Variants in OPCML observed in about 807,000 individuals in gnomAD.
The protein encoded by OPCML is opioid-binding protein/cell adhesion molecule.
In OPCML, 13 loss-of-function variants were observed where a neutral mutation model predicts 37.8. That is an observed-to-expected ratio of 0.34 (90% CI 0.22 to 0.55). OPCML has a LOEUF of 0.55. OPCML is among the 20% of genes least tolerant of loss of function. OPCML has a pLI of 0.91. For synonymous variants in OPCML, 176 were observed against 168.8 expected (o/e 1.04, Z -0.33); for missense variants, 341 against 435.6 (o/e 0.78, Z 1.93).
At chr11:132,786,604 A>G (rs982280044) in intron 2 of OPCML, among the ~76,000 whole-genome samples, 10 of 152,180 alleles carry the variant, frequency 6.6e-5, no homozygotes, top group African/African-American at 1.2e-4. Flanking sequence ...CTTTGAGATA[A>G]CTATGCAAAA....
At chr11:132,819,024 A>G (rs954263738) in intron 2 of OPCML, among the ~76,000 whole-genome samples, 97 of 151,850 alleles carry the variant, frequency 6.4e-4, no homozygotes, top group African/African-American at 2.2e-3. Flanking sequence ...AAAAAAAAAA[A>G]AAGAACCATA....
intron 2 of OPCML, among the ~76,000 whole-genome samples, chr11:132,817,579 G>A (rs955606543): frequency 1.3e-5 from 2 of 152,076 alleles, no homozygotes; most frequent in Non-Finnish European, 2.9e-5. Context: ...ATGCTTCAGA[G>A]GTGATCTCAT....
intron 2 of OPCML, among the ~76,000 whole-genome samples, chr11:132,811,122 C>G (rs1939314270): frequency 6.6e-6 from 1 of 152,108 alleles, no homozygotes; most frequent in African/African-American, 2.4e-5. Context: ...AAGCTCCTTG[C>G]AAAGGGTTTA....
chr11:133,434,612 C>G (rs936507625), intron 1 of OPCML, among the ~76,000 whole-genome samples: 1 of 151,776 alleles, frequency 6.6e-6, no homozygotes, highest in Non-Finnish European at 1.5e-5. Context: ...GCACCCATTA[C>G]CAAGTTTATC....
chr11:132,563,564 C>T (rs1591555573), intron 3 of OPCML, among the ~76,000 whole-genome samples: 1 of 151,108 alleles, frequency 6.6e-6, no homozygotes, highest in Non-Finnish European at 1.5e-5. Context: ...TACTAAATGT[C>T]ACTATATTAA....
chr11:132,918,920 C>T (rs1383854035), intron 2 of OPCML, among the ~76,000 whole-genome samples: 1 of 152,130 alleles, frequency 6.6e-6, no homozygotes, highest in East Asian at 1.9e-4. Context: ...TTGTGTATGA[C>T]TCAATTAATT....
At chr11:132,732,546 C>T (rs910510651) in intron 2 of OPCML, among the ~76,000 whole-genome samples, 5 of 152,018 alleles carry the variant, frequency 3.3e-5, no homozygotes, top group Admixed American at 3.3e-4. Context: ...CATCATGAAA[C>T]GGTAGTTAAA....
chr11:132,724,549 C>T (rs117143031), intron 2 of OPCML, among the ~76,000 whole-genome samples: 99 of 152,154 alleles, frequency 6.5e-4, no homozygotes, highest in Admixed American at 2.4e-3. Context: ...CCACCCCTGT[C>T]CTCCCCCCGC....
intron 4 of OPCML, among the ~76,000 whole-genome samples, chr11:132,466,252 G>A (rs2136933751): frequency 6.6e-6 from 1 of 151,728 alleles, no homozygotes; most frequent in East Asian, 1.9e-4. Flanking sequence ...TTGGGAGGCC[G>A]AGGCGGGCGG....
At chr11:133,406,110 T>C (rs1945520451) in intron 1 of OPCML, among the ~76,000 whole-genome samples, 1 of 152,110 alleles carries the variant, frequency 6.6e-6, no homozygotes, top group Admixed American at 6.5e-5. Context: ...CAGTCCTCAA[T>C]AAACATACTA....
chr11:133,085,486 T>G (rs901811811), intron 1 of OPCML, among the ~76,000 whole-genome samples: 46 of 152,334 alleles, frequency 3.0e-4, no homozygotes, highest in African/African-American at 9.1e-4. Context: ...ACCCAGCACA[T>G]AGAGCAAAAA....
intron 1 of OPCML, among the ~76,000 whole-genome samples, chr11:133,318,062 G>A (rs1419016624): frequency 6.6e-6 from 1 of 152,164 alleles, no homozygotes; most frequent in Non-Finnish European, 1.5e-5. Flanking sequence ...ACTTGCCAAC[G>A]ACAAAAACCC....
chr11:132,890,175 T>C (rs1943586575), intron 2 of OPCML, among the ~76,000 whole-genome samples: 1 of 152,186 alleles, frequency 6.6e-6, no homozygotes, highest in Non-Finnish European at 1.5e-5. Flanking sequence ...GGAATTCTGA[T>C]GTCAAGGGTG....
intron 1 of OPCML, among the ~76,000 whole-genome samples, chr11:133,084,700 T>C (rs1565439522): frequency 6.6e-6 from 1 of 152,210 alleles, no homozygotes; most frequent in Non-Finnish European, 1.5e-5. Flanking sequence ...TTGCTCAGCC[T>C]CATGGGGTCT....
chr11:133,049,278 C>G (rs190926847), intron 1 of OPCML, among the ~76,000 whole-genome samples: 1 of 152,194 alleles, frequency 6.6e-6, no homozygotes, highest in Admixed American at 6.5e-5. Flanking sequence ...AGGTCAGTTC[C>G]TATTGCTTTA....
At chr11:132,697,704 C>T (rs2135910811) in intron 2 of OPCML, among the ~76,000 whole-genome samples, 1 of 152,224 alleles carries the variant, frequency 6.6e-6, no homozygotes. Context: ...CATATCTTGG[C>T]TATTGTGCAC....
intron 1 of OPCML, among the ~76,000 whole-genome samples, chr11:133,157,741 C>T (rs894428914): frequency 7.9e-5 from 12 of 152,202 alleles, no homozygotes; most frequent in African/African-American, 2.9e-4. Context: ...GTCTAAACAA[C>T]TCAAGGAAAA....
At chr11:133,166,334 G>T (rs1950207739) in intron 1 of OPCML, among the ~76,000 whole-genome samples, 1 of 152,168 alleles carries the variant, frequency 6.6e-6, no homozygotes, top group South Asian at 2.1e-4. Context: ...GCAATAGCCA[G>T]GTAGTAGTAA....
In OPCML at chr11:132,597,211, T is replaced by C. The variant is rs142158090; in HGVS notation, c.379+59876A>G. On this transcript the variant is annotated intron_variant, in intron 3 of 7. Transcript: ENST00000524381. ...AGGAACTTTCTGCAGCTACCTCAGC[T>C]TAAAAACAGCTTGATTTAGACTTTA... 4.9e-3 allele frequency among the ~76,000 whole-genome samples: 742 copies of C among 152,360 alleles called. 4 individuals carry two copies. The highest frequency in any genetic ancestry group is 0.017 in the African/African-American group (701 of 41,590).
Sources: gnomAD v4.1 joint callset for allele counts (sites outside exome capture counted in the v4.1 genomes callset) on GRCh38, gnomAD v4.1.1 for gene constraint, MANE v1.5 for transcripts, NCBI Gene and HGNC (gene_info 2026-07-23, HGNC 2026-07-21) for gene names.